ERC1: variants seen among roughly 807,000 people sequenced by gnomAD.
ERC1 encodes ELKS/RAB6-interacting/CAST family member 1.
A neutral mutation model predicts 132.0 loss-of-function variants in ERC1; 56 were observed. The ratio of observed to expected loss-of-function variants is 0.42; its 90% CI spans 0.34 to 0.53. The LOEUF (loss-of-function observed/expected upper bound fraction) is 0.53. Among genes scored for constraint, ERC1 ranks in the 20% least tolerant of loss-of-function variants. The pLI, the probability that ERC1 is intolerant of heterozygous loss-of-function variation, is 0.03. For synonymous variants in ERC1, 478 were observed against 476.1 expected, an observed-to-expected ratio of 1.00 and a Z score of -0.05; for missense variants, 1,202 against 1,349.9, an observed-to-expected ratio of 0.89 and a Z score of 1.72.
At chr12:1,379,159 A>G (rs1185935750) in intron 16 of ERC1, among the ~76,000 whole-genome samples, 2 of 152,194 alleles carry the variant, frequency 1.3e-5, no homozygotes, top group Non-Finnish European at 2.9e-5. Flanking sequence ...TGGGGTGGCC[A>G]CACTAGTGTA....
At chr12:1,134,790 G>A (rs907345295) in intron 7 of ERC1, among the ~76,000 whole-genome samples, 23 of 149,576 alleles carry the variant, frequency 1.5e-4, no homozygotes, top group Non-Finnish European at 1.8e-4. Flanking sequence ...GTGCAATGGC[G>A]TGATCTCAGC....
At chr12:1,324,163 G>A (rs1162898164) in intron 15 of ERC1, among the ~76,000 whole-genome samples, 1 of 152,204 alleles carries the variant, frequency 6.6e-6, no homozygotes, top group Non-Finnish European at 1.5e-5. Context: ...AGTGAATATA[G>A]TGGGTTTAAA....
chr12:1,004,838 G>GTATAAATT (rs1432473872), intron 1 of ERC1, among the ~76,000 whole-genome samples: 1 of 89,532 alleles, frequency 1.1e-5, no homozygotes, highest in African/African-American at 3.8e-5. Flanking sequence ...GTGTGTGTGT[G>GTATAAATT]TGTGTGTGTG....
At chr12:1,212,049 T>G (rs918071721) in intron 12 of ERC1, among the ~76,000 whole-genome samples, 7 of 152,178 alleles carry the variant, frequency 4.6e-5, no homozygotes, top group African/African-American at 1.7e-4. Flanking sequence ...ATCTAATGCT[T>G]CCTCCTGTCC....
chr12:1,051,462 G>A (rs1695605132), intron 2 of ERC1, among the ~76,000 whole-genome samples: 2 of 150,742 alleles, frequency 1.3e-5, no homozygotes, highest in South Asian at 4.2e-4. Context: ...GGCCGAGGCA[G>A]GAGGATCACT....
At chr12:1,388,634 T>C (rs1292069909) in intron 16 of ERC1, among the ~76,000 whole-genome samples, 1 of 152,206 alleles carries the variant, frequency 6.6e-6, no homozygotes, top group Non-Finnish European at 1.5e-5. Flanking sequence ...GTCTCACCGA[T>C]GTTTTCAGAG....
chr12:1,178,598 G>A (rs1203185327), intron 8 of ERC1, among the ~76,000 whole-genome samples: 1 of 152,128 alleles, frequency 6.6e-6, no homozygotes, highest in Non-Finnish European at 1.5e-5. Flanking sequence ...CTGGGGTACA[G>A]ACAATGATCA....
chr12:1,292,260 G>A (rs774213825), intron 15 of ERC1, among the ~76,000 whole-genome samples: 3 of 152,198 alleles, frequency 2.0e-5, no homozygotes, highest in Admixed American at 1.3e-4. Context: ...GTTCAGGGAA[G>A]GGGTGGCAGA....
chr12:1,364,821 C>G (rs2086500002), intron 15 of ERC1, among the ~76,000 whole-genome samples: 1 of 152,220 alleles, frequency 6.6e-6, no homozygotes, highest in Non-Finnish European at 1.5e-5. Flanking sequence ...ATTACTTACA[C>G]AATATCTCTG....
intron 17 of ERC1, among the ~76,000 whole-genome samples, chr12:1,425,594 A>T (rs1022152120): frequency 6.6e-6 from 1 of 152,188 alleles, no homozygotes; most frequent in Admixed American, 6.5e-5. Flanking sequence ...ATTTCTCCTC[A>T]GTGTGTTTTC....
chr12:1,195,572 G>A (rs1730824670), intron 12 of ERC1, among the ~76,000 whole-genome samples: 1 of 152,156 alleles, frequency 6.6e-6, no homozygotes, highest in Non-Finnish European at 1.5e-5. Flanking sequence ...TTTCTTATAA[G>A]ACAGACTTGC....
intron 18 of ERC1, among the ~76,000 whole-genome samples, chr12:1,459,400 C>T (rs972338129): frequency 1.3e-5 from 2 of 151,736 alleles, no homozygotes; most frequent in East Asian, 3.9e-4. Flanking sequence ...GATCTCTGGA[C>T]TAGAAATAAT....
At chr12:1,165,418 G>A (rs1350285993) in intron 8 of ERC1, among the ~76,000 whole-genome samples, 2 of 151,700 alleles carry the variant, frequency 1.3e-5, no homozygotes, top group South Asian at 2.1e-4. Flanking sequence ...CCATTCTCCT[G>A]CCTCAGCCTC....
At chr12:1,204,586 G>A in intron 12 of ERC1, 1 of 1,354,370 alleles carries the variant, frequency 7.4e-7, no homozygotes, top group Non-Finnish European at 1.0e-6. Context: ...AATTCTTACA[G>A]GGAACTGAAC....
intron 3 of ERC1, among the ~76,000 whole-genome samples, chr12:1,090,833 A>G (rs142611681): frequency 1.2e-3 from 5 of 4,218 alleles, no homozygotes; most frequent in East Asian, 0.5. Flanking sequence ...TGCCTGGCCC[A>G]TTATTATTAT....
intron 16 of ERC1, among the ~76,000 whole-genome samples, chr12:1,374,722 A>G (rs2087665882): frequency 1.3e-5 from 2 of 151,320 alleles, no homozygotes; most frequent in Non-Finnish European, 2.9e-5. Flanking sequence ...GAATTTTACA[A>G]CCTCCGTATT....
At chr12:1,015,012 C>T (rs1451705485) in intron 1 of ERC1, among the ~76,000 whole-genome samples, 2 of 151,648 alleles carry the variant, frequency 1.3e-5, no homozygotes, top group Non-Finnish European at 2.9e-5. Flanking sequence ...GATCTGCCCT[C>T]CTTGGCCTCC....
chr12:1,304,951 G>A (rs1490828652), intron 15 of ERC1, among the ~76,000 whole-genome samples: 3 of 151,436 alleles, frequency 2.0e-5, no homozygotes, highest in Admixed American at 6.6e-5. Context: ...CCCCACGCCC[G>A]GCTAATTTTT....
At chr12:1,196,580 A>G (rs1168197534) in intron 12 of ERC1, among the ~76,000 whole-genome samples, 2 of 149,038 alleles carry the variant, frequency 1.3e-5, no homozygotes, top group Admixed American at 6.7e-5. Flanking sequence ...TATAGCCTAG[A>G]CCTCCCAGCC....
Sources: gnomAD v4.1 joint callset for allele counts (sites outside exome capture counted in the v4.1 genomes callset) on GRCh38, gnomAD v4.1.1 for gene constraint, MANE v1.5 for transcripts, NCBI Gene and HGNC (gene_info 2026-07-23, HGNC 2026-07-21) for gene names.